Variants in RANBP17 observed in about 807,000 individuals in gnomAD.
The protein encoded by RANBP17 is ran-binding protein 17.
In RANBP17, 158 loss-of-function variants were observed where a neutral mutation model predicts 141.2. The observed-to-expected ratio is 1.12, with a 90% confidence interval of 0.98 to 1.28. The LOEUF (loss-of-function observed/expected upper bound fraction) is 1.28, where lower values mean the gene tolerates loss of function less well. Among genes scored for constraint, RANBP17 ranks in the 50% most tolerant of loss-of-function variants. RANBP17 has a pLI of 0.00. For missense variants in RANBP17, 1,438 were observed against 1,290.7 expected, an observed-to-expected ratio of 1.11 and a Z score of -1.75; for synonymous variants, 430 against 450.0, an observed-to-expected ratio of 0.96 and a Z score of 0.56.
intron 20 of RANBP17, among the ~76,000 whole-genome samples, chr5:171,210,359 G>A (rs925230441): frequency 1.3e-5 from 2 of 151,954 alleles, no homozygotes; most frequent in Non-Finnish European, 2.9e-5. Flanking sequence ...ATTAGAATTG[G>A]CACCACTCTC....
intron 14 of RANBP17, among the ~76,000 whole-genome samples, chr5:171,155,349 G>T (rs995021966): frequency 6.6e-6 from 1 of 151,762 alleles, no homozygotes; most frequent in African/African-American, 2.4e-5. Flanking sequence ...TGGATATTTT[G>T]TCAGTTATTT....
chr5:171,268,841 T>C (rs1428908208), intron 25 of RANBP17, among the ~76,000 whole-genome samples: 1 of 152,140 alleles, frequency 6.6e-6, no homozygotes, highest in East Asian at 1.9e-4. Context: ...ATCAACAGGC[T>C]ATGGCCCTAG....
At chr5:171,194,469 CTCTGTA>C (rs1761844865) in intron 18 of RANBP17, among the ~76,000 whole-genome samples, 1 of 152,066 alleles carries the variant, frequency 6.6e-6, no homozygotes, top group African/African-American at 2.4e-5. Flanking sequence ...AATTTGTGGC[CTCTGTA>C]TCTGGCCTCT....
chr5:171,086,813 C>T (rs2127719145), intron 14 of RANBP17, among the ~76,000 whole-genome samples: 1 of 146,302 alleles, frequency 6.8e-6, no homozygotes, highest in South Asian at 2.2e-4. Context: ...GGTGATATCC[C>T]CTTTATCATT....
At chr5:171,083,002 C>T (rs1225633761) in intron 14 of RANBP17, among the ~76,000 whole-genome samples, 1 of 152,070 alleles carries the variant, frequency 6.6e-6, no homozygotes, top group Admixed American at 6.5e-5. Flanking sequence ...AGCTCCCCAA[C>T]AGGGATTATA....
At chr5:171,209,072 T>C (rs1035679183) in intron 20 of RANBP17, among the ~76,000 whole-genome samples, 6 of 152,146 alleles carry the variant, frequency 3.9e-5, no homozygotes, top group Admixed American at 3.9e-4. Flanking sequence ...CTAAGAACCA[T>C]AACAAAGATA....
chr5:171,221,856 C>A lies in RANBP17; in HGVS notation c.2422+16C>A. On this transcript the variant is annotated intron_variant, in intron 22 of 27. Transcript: ENST00000523189. ...TGCACTTATGGTGAGTGTCCTTTTC[C>A]ATATGTGCCTCTGCAATATAGTTTT... 1 of 1,383,816 alleles carries A rather than the reference C, an allele frequency of 7.2e-7. No individual in the cohort carries two copies. Among genetic ancestry groups the A allele is most frequent in the Non-Finnish European group, 1.0e-6 (1 of 974,946 alleles). 85.7% of individuals were successfully genotyped at this position (1,383,816 alleles called of 1,614,324 possible). A position where few individuals can be genotyped will look rare whatever the true frequency, so the allele number is the denominator to read the frequency against.
chr5:171,051,843 C>T (rs1360008930), intron 14 of RANBP17, among the ~76,000 whole-genome samples: 3 of 152,118 alleles, frequency 2.0e-5, no homozygotes, highest in Admixed American at 2.0e-4. Flanking sequence ...TTTTACATTC[C>T]CACCAGCAAT....
At chr5:171,172,648 T>C (rs1305403741) in intron 16 of RANBP17, among the ~76,000 whole-genome samples, 1 of 151,864 alleles carries the variant, frequency 6.6e-6, no homozygotes, top group African/African-American at 2.4e-5. Flanking sequence ...TGAATTACTT[T>C]GAAAGCATAT....
chr5:171,165,268 G>A (rs188150119), intron 14 of RANBP17, among the ~76,000 whole-genome samples: 4 of 152,142 alleles, frequency 2.6e-5, no homozygotes, highest in African/African-American at 4.8e-5. Flanking sequence ...TGCAACCTCC[G>A]CCTTCTAGGT....
intron 11 of RANBP17, among the ~76,000 whole-genome samples, chr5:170,921,105 T>C (rs1329021366): frequency 6.6e-6 from 1 of 152,222 alleles, no homozygotes; most frequent in Non-Finnish European, 1.5e-5. Flanking sequence ...TTAGATCCCA[T>C]TTGTCAATTT....
chr5:170,964,521 G>A (rs1051061396), intron 13 of RANBP17, among the ~76,000 whole-genome samples: 4 of 151,712 alleles, frequency 2.6e-5, no homozygotes, highest in East Asian at 3.9e-4. Flanking sequence ...AGCATTAGGT[G>A]TATCTCCTAA....
intron 19 of RANBP17, among the ~76,000 whole-genome samples, chr5:171,202,923 T>G (rs555177359): frequency 6.6e-6 from 1 of 152,304 alleles, no homozygotes; most frequent in South Asian, 2.1e-4. Flanking sequence ...TGTGAGACTT[T>G]CCATTAGAAA....
At chr5:171,161,809 G>A (rs556409099) in intron 14 of RANBP17, among the ~76,000 whole-genome samples, 23 of 152,162 alleles carry the variant, frequency 1.5e-4, no homozygotes, top group African/African-American at 4.8e-4. Flanking sequence ...ACATTGAATA[G>A]CATCTGTTAT....
chr5:171,076,959 T>G (rs951380977), intron 14 of RANBP17, among the ~76,000 whole-genome samples: 1 of 152,182 alleles, frequency 6.6e-6, no homozygotes, highest in Admixed American at 6.5e-5. Flanking sequence ...GGAATGAGAA[T>G]TAGAGTATTA....
At chr5:171,214,550 G>C (rs1051790839) in intron 21 of RANBP17, among the ~76,000 whole-genome samples, 2 of 152,136 alleles carry the variant, frequency 1.3e-5, no homozygotes, top group African/African-American at 4.8e-5. Flanking sequence ...AAGGGTATGG[G>C]TTGCAGCTCT....
intron 14 of RANBP17, among the ~76,000 whole-genome samples, chr5:170,996,742 A>T (rs1016877016): frequency 6.6e-6 from 1 of 152,178 alleles, no homozygotes; most frequent in Non-Finnish European, 1.5e-5. Flanking sequence ...TTTAGAAAAG[A>T]ATAATTTATC....
At chr5:171,072,318 G>A (rs1050816832) in intron 14 of RANBP17, among the ~76,000 whole-genome samples, 3 of 152,036 alleles carry the variant, frequency 2.0e-5, no homozygotes, top group Admixed American at 2.0e-4. Context: ...TTAGGCCAGG[G>A]AGATGTCTGA....
chr5:171,205,545 A>G lies in RANBP17; in HGVS notation c.2164A>G (p.Arg722Gly), dbSNP rs1159402815. 3 of 1,613,308 alleles carry G rather than the reference A, an allele frequency of 1.9e-6. No individual in the cohort carries two copies. In the African/African-American group the frequency reaches 4.0e-5, roughly 22 times the overall value. Reference sequence around the variant, plus strand: ...ACAGCGTATGTTGATCGGGCTGGCAAGAGATCTTCGAGGGATTGCCTTTGC... The same window carrying G: ...ACAGCGTATGTTGATCGGGCTGGCAGGAGATCTTCGAGGGATTGCCTTTGC... The part of the protein sequence containing the change: ...DVKRMLIGLA[R>G]DLRGIAFALN... The change falls in exon 20 of 28, where the codon AGA (arginine) becomes GGA (glycine). Residue 722 changes from arginine (R) to glycine (G), a missense_variant. By Grantham distance (125) the Arg-to-Gly change is moderately radical (BLOSUM62 -2). Transcript: ENST00000523189.
Sources: gnomAD v4.1 joint callset for allele counts (sites outside exome capture counted in the v4.1 genomes callset) on GRCh38, gnomAD v4.1.1 for gene constraint, MANE v1.5 for transcripts, NCBI Gene and HGNC (gene_info 2026-07-23, HGNC 2026-07-21) for gene names.